MINDY2: variants seen among roughly 807,000 people sequenced by gnomAD.
MINDY2 encodes the protein ubiquitin carboxyl-terminal hydrolase MINDY-2.
Under a neutral mutation model 68.2 loss-of-function variants are expected in MINDY2, and 52 were observed. The ratio of observed to expected loss-of-function variants is 0.76; its 90% CI spans 0.61 to 0.96. The LOEUF is 0.96. Ranked by LOEUF, MINDY2 falls within the 40% of genes least tolerant of loss-of-function variation. MINDY2 has a pLI of 0.00. For synonymous variants in MINDY2, 372 were observed against 303.0 expected (o/e 1.23, Z -2.36); for missense variants, 881 against 773.4 (o/e 1.14, Z -1.65).
intron 8 of MINDY2, 65 bp from the exon 9 acceptor site, chr15:58,854,417 A>G (rs2032979848): frequency 6.5e-7 from 1 of 1,544,046 alleles, no homozygotes; most frequent in African/African-American, 1.4e-5. Context: ...TTTCCTTTCT[A>G]GATAACCATG....
rs2032827816 is a variant in MINDY2, at chr15:58,851,821, C to T, written c.1593C>T (p.Ile531=). ...AACAAGAACAGCAGAGCCAAGAGAT[C>T]AATTGGGAACAAATCCCGGAAGGAA... The part of the protein sequence containing the change: ...SLQQEQQSQE[I]NWEQIPEGIS... Residue 531 remains isoleucine (I), a synonymous_variant, in exon 8 of 9, where the codon ATC becomes ATT. Coordinates refer to ENST00000559228, the MANE Select transcript of MINDY2 (RefSeq NM_001040450.3). The T allele has an allele frequency of 1.2e-6, 2 of 1,610,528 alleles. No individual in the cohort carries two copies. Among genetic ancestry groups the T allele is most frequent in the Non-Finnish European group, 1.7e-6 (2 of 1,179,024 alleles).
chr15:58,787,083 G>C (rs1567041474), intron 1 of MINDY2, among the ~76,000 whole-genome samples: 2 of 150,904 alleles, frequency 1.3e-5, no homozygotes, highest in Admixed American at 1.3e-4. Context: ...GCCTGCGTTG[G>C]CCTTCCAAAG....
intron 4 of MINDY2, among the ~76,000 whole-genome samples, chr15:58,814,581 A>G (rs1192843173): frequency 4.7e-5 from 7 of 149,510 alleles, no homozygotes; most frequent in Non-Finnish European, 1.0e-4. Context: ...ATCTCGCCAT[A>G]TTGCTCAGGC....
intron 1 of MINDY2, among the ~76,000 whole-genome samples, chr15:58,783,762 G>A (rs917120345): frequency 3.9e-5 from 6 of 151,990 alleles, no homozygotes; most frequent in African/African-American, 1.5e-4. Context: ...TGTTCAACAT[G>A]TCAAAACCCC....
At chr15:58,829,719 G>A (rs943753794) in intron 5 of MINDY2, among the ~76,000 whole-genome samples, 22 of 152,168 alleles carry the variant, frequency 1.4e-4, no homozygotes, top group African/African-American at 5.1e-4. Flanking sequence ...CCAAGAAGTT[G>A]CAAGTATTCA....
intron 2 of MINDY2, among the ~76,000 whole-genome samples, chr15:58,795,011 TAAAAATACAA>T (rs1395951005): frequency 2.0e-5 from 3 of 151,716 alleles, no homozygotes; most frequent in Non-Finnish European, 4.4e-5. Context: ...CCGTCTCTAC[TAAAAATACAA>T]AAAAATTAGC....
intron 4 of MINDY2, among the ~76,000 whole-genome samples, chr15:58,820,421 G>C (rs1280853887): frequency 6.7e-6 from 1 of 149,816 alleles, no homozygotes; most frequent in Non-Finnish European, 1.5e-5. Context: ...TCCAGCCTGG[G>C]CAACAGAGTG....
intron 6 of MINDY2, among the ~76,000 whole-genome samples, chr15:58,845,622 A>G (rs1684869025): frequency 6.6e-6 from 1 of 152,234 alleles, no homozygotes; most frequent in East Asian, 1.9e-4. Context: ...TACAACCACT[A>G]TGGAGAACAG....
At chr15:58,830,006 TTA>T (rs1397207399) in intron 5 of MINDY2, among the ~76,000 whole-genome samples, 1 of 152,234 alleles carries the variant, frequency 6.6e-6, no homozygotes, top group African/African-American at 2.4e-5. Context: ...CTCAGATCAC[TTA>T]TGAAACTTTT....
At chr15:58,852,408 G>A (rs1202165035) in intron 8 of MINDY2, among the ~76,000 whole-genome samples, 10 of 151,232 alleles carry the variant, frequency 6.6e-5, no homozygotes, top group African/African-American at 1.9e-4. Context: ...GTTTTATGAC[G>A]TTGTCCTAAG....
intron 2 of MINDY2, among the ~76,000 whole-genome samples, chr15:58,796,520 A>T (rs987544953): frequency 6.6e-6 from 1 of 152,148 alleles, no homozygotes; most frequent in Non-Finnish European, 1.5e-5. Context: ...AGTTAAATGT[A>T]GTTTCATTTT....
chr15:58,783,053 G>C (rs1274985278), intron 1 of MINDY2, among the ~76,000 whole-genome samples: 1 of 150,618 alleles, frequency 6.6e-6, no homozygotes, highest in African/African-American at 2.4e-5. Context: ...CTGAGTAGCT[G>C]GGATTACAGA....
chr15:58,772,564 T>C (rs1225046990), intron 1 of MINDY2, among the ~76,000 whole-genome samples: 1 of 152,210 alleles, frequency 6.6e-6, no homozygotes, highest in Non-Finnish European at 1.5e-5. Flanking sequence ...CTTACTGACC[T>C]TATCACATAT....
At chr15:58,784,809 T>A (rs1412016404) in intron 1 of MINDY2, among the ~76,000 whole-genome samples, 2 of 151,796 alleles carry the variant, frequency 1.3e-5, no homozygotes, top group East Asian at 1.9e-4. Flanking sequence ...GTTTTGGGAC[T>A]TTTTCTGTAG....
At chr15:58,809,036 C>A (rs181576323) in intron 3 of MINDY2, among the ~76,000 whole-genome samples, 1 of 152,270 alleles carries the variant, frequency 6.6e-6, no homozygotes, top group East Asian at 1.9e-4. Context: ...CATAGTGAGA[C>A]CCCGTCTCTA....
At chr15:58,852,654 ACCTCTCTTAGCCTCAT>A (rs1468532990) in intron 8 of MINDY2, among the ~76,000 whole-genome samples, 2 of 151,962 alleles carry the variant, frequency 1.3e-5, no homozygotes, top group Non-Finnish European at 2.9e-5. Context: ...GACGTCCTCT[ACCTCTCTTAGCCTCAT>A]TTTCCCTATC....
chr15:58,838,936 T>A (rs2032140632), intron 6 of MINDY2, among the ~76,000 whole-genome samples: 1 of 152,040 alleles, frequency 6.6e-6, no homozygotes, highest in African/African-American at 2.4e-5. Flanking sequence ...TTCATGATTA[T>A]ATTATATCAT....
rs1159291279 is a variant in MINDY2, at chr15:58,858,738, C to T, written c.*4128C>T. On this transcript the variant is annotated 3_prime_UTR_variant, in exon 9 of 9. Coordinates refer to ENST00000559228, the MANE Select transcript of MINDY2 (RefSeq NM_001040450.3). ...AACCTTATGGGCATTACCTATCACACAGTACTTATGCATAAACTTATAATA... is the reference window on the plus strand; with the variant it reads ...AACCTTATGGGCATTACCTATCACATAGTACTTATGCATAAACTTATAATA... 1.3e-5 allele frequency: 2 copies of T among 152,098 alleles called. No individual in the cohort carries two copies. Among genetic ancestry groups the T allele is most frequent in the Admixed American group, 1.3e-4 (2 of 15,274 alleles). 9.4% of individuals were successfully genotyped at this position (152,098 alleles called of 1,614,324 possible).
At chr15:58,825,479 A>G (rs536741911) in intron 5 of MINDY2, among the ~76,000 whole-genome samples, 1 of 152,284 alleles carries the variant, frequency 6.6e-6, no homozygotes, top group African/African-American at 2.4e-5. Flanking sequence ...GGCAGCAAAA[A>G]TCAGCAAGTT....
Sources: allele counts gnomAD v4.1 joint callset (sites outside exome capture counted in the v4.1 genomes callset), GRCh38; gene constraint gnomAD v4.1.1; transcripts MANE v1.5; gene names NCBI Gene and HGNC (gene_info 2026-07-23, HGNC 2026-07-21).